The following HIRA variants were observed in gnomAD, a reference collection of about 807,000 sequenced individuals.
HIRA encodes the protein histone cell cycle regulator.
Under a neutral mutation model 126.6 loss-of-function variants are expected in HIRA, and 13 were observed. The ratio of observed to expected loss-of-function variants is 0.10; its 90% confidence interval spans 0.07 to 0.16. HIRA has a LOEUF of 0.16. Among genes scored for constraint, HIRA ranks in the 10% least tolerant of loss-of-function variants. The pLI, the probability that HIRA is intolerant of heterozygous loss-of-function variation, is 1.00. For missense variants in HIRA, 834 were observed against 1,314.4 expected (o/e 0.63, Z 5.65); for synonymous variants, 511 against 520.0 (o/e 0.98, Z 0.24).
chr22:19,410,580 A>G (rs2089344326), intron 2 of HIRA, 136 bp downstream of exon 2: 2 of 698,110 alleles, frequency 2.9e-6, no homozygotes, highest in East Asian at 2.5e-5. Context: ...ATAACACATT[A>G]TAACTGTACA....
At chr22:19,368,574 T>C (rs757463486) in intron 15 of HIRA, among the ~76,000 whole-genome samples, 1 of 152,324 alleles carries the variant, frequency 6.6e-6, no homozygotes, top group Middle Eastern at 3.4e-3. Flanking sequence ...TCTCAGATGT[T>C]CTGAATATGG....
chr22:19,360,651 T>C (rs2088854646), intron 17 of HIRA, among the ~76,000 whole-genome samples: 1 of 152,110 alleles, frequency 6.6e-6, no homozygotes, highest in Middle Eastern at 3.4e-3. Flanking sequence ...GAGGCAGCAG[T>C]GTGTGTGACG....
Position 19,405,835 on chromosome 22 carries a change from G to A in HIRA, c.348C>T (p.Ala116=). The change falls in exon 5 of 25, where the codon GCC becomes GCT. Residue 116 remains alanine (A), a synonymous_variant. Coordinates refer to ENST00000263208, the MANE Select transcript of HIRA (RefSeq NM_003325.4). ...AGACACACCGCCACTGCTCCACATT[G>A]GCAAGCTTACCACTGGAGCCGAACA... is the stretch of plus-strand genomic sequence containing the variant. ...STVFGSSGKL[A]NVEQWRCVSI... 1 of 1,513,404 alleles carries A rather than the reference G, an allele frequency of 6.6e-7. No individual in the cohort carries two copies. Among genetic ancestry groups the A allele is most frequent in the Non-Finnish European group, 8.9e-7 (1 of 1,125,932 alleles). 93.7% of individuals were successfully genotyped at this position (1,513,404 alleles called of 1,614,324 possible).
Position 19,378,057 on chromosome 22 carries a change from G to A in HIRA, c.1425C>T (p.Ser475=), listed in dbSNP as rs1398310695. Reference sequence around the variant, plus strand: ...GGGGGATGCTGTTAAAGAATGCCGTGGAGAAGTCCCTGTCATCAAGTAAGA... The same window carrying A: ...GGGGGATGCTGTTAAAGAATGCCGTAGAGAAGTCCCTGTCATCAAGTAAGA... ...CIAQLDTGDF[S]TAFFNSIPLS... The change falls in exon 14 of 25, where the codon TCC becomes TCT. Residue 475 remains serine, a synonymous_variant. Coordinates refer to ENST00000263208, the MANE Select transcript of HIRA (RefSeq NM_003325.4). 1.3e-6 allele frequency: 2 copies of A among 1,572,682 alleles called. No individual in the cohort carries two copies. Among genetic ancestry groups the A allele is most frequent in the Non-Finnish European group, 8.6e-7 (1 of 1,156,400 alleles).
intron 24 of HIRA, among the ~76,000 whole-genome samples, chr22:19,343,972 A>G (rs1556008238): frequency 6.7e-6 from 1 of 150,160 alleles, no homozygotes; most frequent in Non-Finnish European, 1.5e-5. Context: ...TCAGCTTCCC[A>G]AAGTGCTGGG....
intron 12 of HIRA, among the ~76,000 whole-genome samples, chr22:19,384,701 C>T (rs1043023482): frequency 1.3e-5 from 2 of 151,694 alleles, no homozygotes; most frequent in Non-Finnish European, 2.9e-5. Context: ...GTCTCCCAGG[C>T]TGGAGTGCAG....
At chr22:19,389,569 G>A (rs1402205961) in intron 9 of HIRA, among the ~76,000 whole-genome samples, 1 of 152,184 alleles carries the variant, frequency 6.6e-6, no homozygotes, top group East Asian at 1.9e-4. Context: ...AAGTCTGAAC[G>A]ATCTGGAACC....
chr22:19,334,185 A>C (rs149749964), intron 24 of HIRA, among the ~76,000 whole-genome samples: 2,146 of 150,916 alleles, frequency 0.014, 27 homozygotes, highest in African/African-American at 0.028. Flanking sequence ...CCATGTTAGC[A>C]AGGATGGTCT....
intron 19 of HIRA, 85 bp downstream of exon 19, chr22:19,356,805 T>C: frequency 1.5e-6 from 2 of 1,368,978 alleles, no homozygotes; most frequent in Non-Finnish European, 2.0e-6. Context: ...GTCCACTGCC[T>C]TCCCTGCCCC....
At chr22:19,355,683 G>A in intron 21 of HIRA, 77 bp downstream of exon 21, 1 of 1,070,596 alleles carries the variant, frequency 9.3e-7, no homozygotes, top group Non-Finnish European at 1.4e-6. Context: ...AGCCCTGTAG[G>A]CCACGACCCT....
At chr22:19,335,741 A>G (rs1459916680) in intron 24 of HIRA, among the ~76,000 whole-genome samples, 4 of 152,160 alleles carry the variant, frequency 2.6e-5, no homozygotes, top group African/African-American at 9.7e-5. Context: ...CTCATATAGC[A>G]AAGTATCTAA....
At chr22:19,367,095 G>A (rs575836298) in intron 15 of HIRA, among the ~76,000 whole-genome samples, 29 of 152,092 alleles carry the variant, frequency 1.9e-4, no homozygotes, top group Non-Finnish European at 2.8e-4. Flanking sequence ...TCATGCCATC[G>A]AAATCCTTTT....
In HIRA at chr22:19,431,635, C is replaced by T; in HGVS notation, c.-159G>A. On this transcript the variant is annotated 5_prime_UTR_variant, in exon 1 of 25. Transcript: ENST00000263208. ...CGCCGCGCCATCGCCGGCCCGCGCC[C>T]CCCTCCGCCGCCACAGCCGCCACCC... is the stretch of plus-strand genomic sequence containing the variant. The T allele has an allele frequency of 1.4e-6, 1 of 695,828 alleles. No homozygotes were observed. Among genetic ancestry groups the T allele is most frequent in the Non-Finnish European group, 1.8e-6 (1 of 547,812 alleles). 43.1% of individuals were successfully genotyped at this position (695,828 alleles called of 1,614,324 possible).
At chr22:19,363,842 G>C (rs569830558) in intron 15 of HIRA, among the ~76,000 whole-genome samples, 1 of 152,162 alleles carries the variant, frequency 6.6e-6, no homozygotes, top group South Asian at 2.1e-4. Flanking sequence ...AGGTTGCAGT[G>C]AGCCGAGATG....
At chr22:19,340,839 C>G (rs148355484) in intron 24 of HIRA, among the ~76,000 whole-genome samples, 9 of 152,238 alleles carry the variant, frequency 5.9e-5, no homozygotes, top group African/African-American at 2.2e-4. Flanking sequence ...ACAAGAAAAA[C>G]TGAAAAACTG....
chr22:19,376,204 C>T (rs1235462342), intron 14 of HIRA, among the ~76,000 whole-genome samples: 3 of 152,208 alleles, frequency 2.0e-5, no homozygotes, highest in African/African-American at 7.2e-5. Flanking sequence ...ACCTGGGGTC[C>T]TGAAGCCATG....
At chr22:19,390,380 G>A (rs894230381) in intron 9 of HIRA, among the ~76,000 whole-genome samples, 1 of 151,954 alleles carries the variant, frequency 6.6e-6, no homozygotes, top group Non-Finnish European at 1.5e-5. Context: ...ATCACCTGAG[G>A]TCAGGAGTTT....
intron 2 of HIRA, 119 bp downstream of exon 2, chr22:19,410,597 A>T (rs2089344483): frequency 5.5e-6 from 4 of 733,688 alleles, no homozygotes; most frequent in Non-Finnish European, 7.2e-6. Context: ...TACATTTTAA[A>T]CAGCGTTGCA....
chr22:19,411,836 C>T (rs992788173), intron 1 of HIRA, among the ~76,000 whole-genome samples: 2 of 152,138 alleles, frequency 1.3e-5, no homozygotes, highest in African/African-American at 2.4e-5. Flanking sequence ...AGTGTGTGGG[C>T]AGGCAGTGGC....
Sources: allele counts gnomAD v4.1 joint callset (sites outside exome capture counted in the v4.1 genomes callset), GRCh38; gene constraint gnomAD v4.1.1; transcripts MANE v1.5; gene names NCBI Gene and HGNC (gene_info 2026-07-23, HGNC 2026-07-21).